Variants in NUDCD3 observed in about 807,000 individuals in gnomAD.
NUDCD3 encodes NudC domain containing 3.
In NUDCD3, 13 loss-of-function variants were observed where a neutral mutation model predicts 39.7. That is an observed-to-expected ratio of 0.33 (90% CI 0.21 to 0.52). The LOEUF is 0.52. NUDCD3 is among the 20% of genes least tolerant of loss of function. NUDCD3 has a pLI of 0.96. For missense variants in NUDCD3, 453 were observed against 458.1 expected, an observed-to-expected ratio of 0.99 and a Z score of 0.10; for synonymous variants, 175 against 172.4, an observed-to-expected ratio of 1.02 and a Z score of -0.12.
intron 2 of NUDCD3, among the ~76,000 whole-genome samples, chr7:44,432,589 C>A (rs1207906645): frequency 6.6e-6 from 1 of 152,242 alleles, no homozygotes; most frequent in Admixed American, 6.5e-5. Context: ...CTCCCCACTT[C>A]CCGCCCCCTG....
At chr7:44,418,920 C>T (rs1319201996) in intron 3 of NUDCD3, among the ~76,000 whole-genome samples, 1 of 152,218 alleles carries the variant, frequency 6.6e-6, no homozygotes, top group Non-Finnish European at 1.5e-5. Context: ...ATCTGCAGAT[C>T]AGGAGATTCC....
At chr7:44,480,679 C>T (rs112461344) in intron 2 of NUDCD3, among the ~76,000 whole-genome samples, 89 of 152,204 alleles carry the variant, frequency 5.8e-4, no homozygotes, top group South Asian at 1.2e-3. Context: ...TGGTGCCTCA[C>T]ACCTATAATC....
intron 4 of NUDCD3, among the ~76,000 whole-genome samples, chr7:44,396,829 A>C (rs1226983635): frequency 6.6e-6 from 1 of 152,212 alleles, no homozygotes; most frequent in Non-Finnish European, 1.5e-5. Flanking sequence ...CTGTCTTCCG[A>C]CACCCAGTGC....
At chr7:44,431,549 C>T (rs1799363799) in intron 2 of NUDCD3, among the ~76,000 whole-genome samples, 1 of 152,008 alleles carries the variant, frequency 6.6e-6, no homozygotes, top group African/African-American at 2.4e-5. Flanking sequence ...TGCAGACAAG[C>T]AGTTCCTGAG....
At chr7:44,429,052 G>A (rs1320592925) in intron 2 of NUDCD3, among the ~76,000 whole-genome samples, 1 of 152,180 alleles carries the variant, frequency 6.6e-6, no homozygotes, top group Non-Finnish European at 1.5e-5. Flanking sequence ...GGGAAGGGGT[G>A]GTTCAAGAGG....
At chr7:44,467,768 TTTAA>T in intron 2 of NUDCD3, 1 of 664,210 alleles carries the variant, frequency 1.5e-6, no homozygotes, top group Non-Finnish European at 2.6e-6. Context: ...ACAACAGCCC[TTTAA>T]TTGTTATCAC....
intron 2 of NUDCD3, among the ~76,000 whole-genome samples, chr7:44,436,207 AAATTT>A (rs1339317587): frequency 6.6e-6 from 1 of 152,260 alleles, no homozygotes; most frequent in African/African-American, 2.4e-5. Flanking sequence ...TAATTATATT[AAATTT>A]AAGTCCTTAT....
intron 2 of NUDCD3, among the ~76,000 whole-genome samples, chr7:44,466,542 T>C (rs1003847683): frequency 8.5e-5 from 13 of 152,250 alleles, no homozygotes; most frequent in Non-Finnish European, 1.3e-4. Flanking sequence ...CCAGCCACTC[T>C]GGTACCAGGC....
At chr7:44,447,918 C>T (rs1015400054) in intron 2 of NUDCD3, among the ~76,000 whole-genome samples, 1 of 152,180 alleles carries the variant, frequency 6.6e-6, no homozygotes, top group Non-Finnish European at 1.5e-5. Context: ...TGGAAATTGT[C>T]ATCTCTGGGA....
chr7:44,469,061 AAT>A (rs1483306655), intron 2 of NUDCD3, among the ~76,000 whole-genome samples: 5 of 150,592 alleles, frequency 3.3e-5, no homozygotes, highest in Non-Finnish European at 7.4e-5. Flanking sequence ...ACCAAACCAG[AAT>A]AGAGACAATC....
At chr7:44,392,049 C>T (rs111615374) in intron 5 of NUDCD3, among the ~76,000 whole-genome samples, 5 of 152,352 alleles carry the variant, frequency 3.3e-5, no homozygotes, top group African/African-American at 1.2e-4. Context: ...TGACACCCTT[C>T]GAGGTCCTGT....
At chr7:44,481,466 G>A (rs942744128) in intron 2 of NUDCD3, 1 of 152,176 alleles carries the variant, frequency 6.6e-6, no homozygotes, top group African/African-American at 2.4e-5. Context: ...GATCACCTAG[G>A]ACAATCACCC....
intron 3 of NUDCD3, among the ~76,000 whole-genome samples, chr7:44,411,613 A>G (rs1028312402): frequency 1.7e-4 from 26 of 152,256 alleles, no homozygotes; most frequent in Admixed American, 7.8e-4. Context: ...CAATTAAAAA[A>G]CAAAACCAAA....
intron 5 of NUDCD3, among the ~76,000 whole-genome samples, chr7:44,387,217 A>G (rs1798416555): frequency 6.6e-6 from 1 of 152,116 alleles, no homozygotes; most frequent in African/African-American, 2.4e-5. Flanking sequence ...GCTACAGTGC[A>G]GTGTGTGGTC....
At chr7:44,462,521 C>T (rs114254464) in intron 2 of NUDCD3, among the ~76,000 whole-genome samples, 2,546 of 152,318 alleles carry the variant, frequency 0.017, 56 homozygotes, top group African/African-American at 0.057. Flanking sequence ...GGAATAAAGA[C>T]ATCATAAAGC....
At chr7:44,412,567 A>C (rs1488298484) in intron 3 of NUDCD3, among the ~76,000 whole-genome samples, 1 of 152,222 alleles carries the variant, frequency 6.6e-6, no homozygotes, top group African/African-American at 2.4e-5. Flanking sequence ...GATGGGGCCC[A>C]AATTGCCACT....
At chr7:44,456,523 CTT>C (rs1799905288) in intron 2 of NUDCD3, among the ~76,000 whole-genome samples, 1 of 152,138 alleles carries the variant, frequency 6.6e-6, no homozygotes, top group African/African-American at 2.4e-5. Flanking sequence ...AATCTGAACA[CTT>C]TAAGAGGCCA....
At chr7:44,479,242 C>T (rs897599809) in intron 2 of NUDCD3, among the ~76,000 whole-genome samples, 1 of 152,164 alleles carries the variant, frequency 6.6e-6, no homozygotes, top group African/African-American at 2.4e-5. Flanking sequence ...TACTGGTCAT[C>T]TATCTTGACT....
chr7:44,447,258 A>G (rs1799705484), intron 2 of NUDCD3, among the ~76,000 whole-genome samples: 1 of 152,246 alleles, frequency 6.6e-6, no homozygotes, highest in South Asian at 2.1e-4. Context: ...AGAGGAAGAC[A>G]ATAAAAATAA....
Sources: allele counts gnomAD v4.1 joint callset (sites outside exome capture counted in the v4.1 genomes callset), GRCh38; gene constraint gnomAD v4.1.1; transcripts MANE v1.5; gene names NCBI Gene and HGNC (gene_info 2026-07-23, HGNC 2026-07-21).